Variants in ANKS6 observed in about 807,000 individuals in gnomAD.
ANKS6 encodes ankyrin repeat and SAM domain-containing protein 6.
In ANKS6, 47 loss-of-function variants were observed where a neutral mutation model predicts 77.9. That is an observed-to-expected ratio of 0.60 (90% confidence interval 0.48 to 0.77). The LOEUF is 0.77. ANKS6 is among the 30% of genes least tolerant of loss of function. The pLI is 0.00. For missense variants in ANKS6, 1,150 were observed against 1,159.1 expected (o/e 0.99, Z 0.11); for synonymous variants, 488 against 501.7 (o/e 0.97, Z 0.37).
At position 98,733,264 on chromosome 9, in the gene ANKS6, C is replaced by T. The variant is rs748948230; in HGVS notation, c.*3255G>A. 2.7e-5 allele frequency: 27 copies of T among 985,416 alleles called. No homozygotes were observed. The highest frequency in any genetic ancestry group is 3.0e-5 in the Non-Finnish European group (25 of 830,018). 61.0% of individuals were successfully genotyped at this position (985,416 alleles called of 1,614,324 possible). A position where few individuals can be genotyped will look rare whatever the true frequency, so the allele number is the denominator to read the frequency against. ...AGCTGGCCTCCATGTAATTTTGTGG[C>T]GCTGAAGAAGAGAGGCAGGAGCCCT... On this transcript the variant is annotated 3_prime_UTR_variant, in exon 15 of 15. Coordinates refer to ENST00000353234, the MANE Select transcript of ANKS6 (RefSeq NM_173551.5).
chr9:98,733,940 G>A lies in ANKS6; in HGVS notation c.*2579C>T, dbSNP rs1293947743. On this transcript the variant is annotated 3_prime_UTR_variant, in exon 15 of 15. Transcript: ENST00000353234. ...AGCAAGGGAGGTGCTTCTTGTGGGG[G>A]GAACAGCCACAGGCAGGCTGGGGAC... 1 of 985,424 alleles carries A rather than the reference G, an allele frequency of 1.0e-6. No individual in the cohort carries two copies. The highest frequency in any genetic ancestry group is 1.2e-6 in the Non-Finnish European group (1 of 829,954). The allele number at this position is 985,424 out of a possible 1,614,324, so 61.0% of individuals were successfully genotyped here.
chr9:98,790,437 C>G lies in ANKS6; in HGVS notation c.529G>C (p.Gly177Arg), dbSNP rs771919479. The G allele has an allele frequency of 1.2e-6, 2 of 1,613,716 alleles. No individual in the cohort carries two copies. The highest frequency in any genetic ancestry group is 2.7e-5 in the African/African-American group (2 of 74,944). The change falls in exon 2 of 15, where the codon GGC becomes CGC. Residue 177 changes from glycine (G) to arginine (R), a missense_variant. Transcript: ENST00000353234. Reference sequence around the variant, plus strand: ...CTGCCGCCCAACCCCAGTTGCTCGCCTGAAGGGTGGTGATGGTCCACAAAG... The same window carrying G: ...CTGCCGCCCAACCCCAGTTGCTCGCGTGAAGGGTGGTGATGGTCCACAAAG... The part of the protein sequence containing the change: ...GAFVDHHHPS[G>R]EQLGLGGSRD...
chr9:98,745,001 TG>T (rs1832042064), intron 14 of ANKS6, among the ~76,000 whole-genome samples: 1 of 152,234 alleles, frequency 6.6e-6, no homozygotes, highest in South Asian at 2.1e-4. Flanking sequence ...TTTTTGTTTT[TG>T]GTGTGTGTGT....
chr9:98,778,209 A>G lies in ANKS6; in HGVS notation c.1567+17T>C. On this transcript the variant is annotated intron_variant, in intron 7 of 14. Transcript: ENST00000353234. ...GACCATTCCAAAAATTCTACTGCACATGCAGACTTTTCTCACCATTGTCTT... is the reference window on the plus strand; with the variant it reads ...GACCATTCCAAAAATTCTACTGCACGTGCAGACTTTTCTCACCATTGTCTT... 2 of 1,613,774 alleles carry G rather than the reference A, an allele frequency of 1.2e-6. No individual in the cohort carries two copies. The highest frequency in any genetic ancestry group is 1.7e-6 in the Non-Finnish European group (2 of 1,179,730).
intron 11 of ANKS6, among the ~76,000 whole-genome samples, chr9:98,760,661 G>C (rs1832957122): frequency 6.6e-6 from 1 of 152,052 alleles, no homozygotes. Flanking sequence ...TAGATTTTTG[G>C]GTCTGTCTTC....
intron 11 of ANKS6, among the ~76,000 whole-genome samples, chr9:98,760,204 A>G (rs1247128920): frequency 6.6e-6 from 1 of 152,224 alleles, no homozygotes; most frequent in Non-Finnish European, 1.5e-5. Context: ...TCCTGGGCAT[A>G]CTACCCTCCA....
At chr9:98,739,841 G>A (rs1198661437) in intron 14 of ANKS6, among the ~76,000 whole-genome samples, 1 of 130,094 alleles carries the variant, frequency 7.7e-6, no homozygotes, top group Non-Finnish European at 1.6e-5. Context: ...TGCAGGCTCC[G>A]CCCCCTGGGG....
intron 11 of ANKS6, among the ~76,000 whole-genome samples, chr9:98,765,077 GAA>G (rs1833197433): frequency 6.6e-6 from 1 of 152,122 alleles, no homozygotes; most frequent in Admixed American, 6.5e-5. Context: ...CTGAGGTTTT[GAA>G]AGACTTGCCA....
intron 9 of ANKS6, among the ~76,000 whole-genome samples, chr9:98,771,983 T>G (rs1376942252): frequency 6.6e-6 from 1 of 152,214 alleles, no homozygotes; most frequent in Non-Finnish European, 1.5e-5. Flanking sequence ...CTCTGCTATA[T>G]GCCTAGTACC....
At chr9:98,754,780 T>C (rs947521329) in intron 12 of ANKS6, among the ~76,000 whole-genome samples, 1 of 152,206 alleles carries the variant, frequency 6.6e-6, no homozygotes, top group Non-Finnish European at 1.5e-5. Flanking sequence ...AGAGAAATTA[T>C]TCTACAAAGA....
Position 98,735,885 on chromosome 9 carries a change from G to C in ANKS6, c.*634C>G. ...CATACACAGCACTAAGGGACCCAGTGGCTGAAAGGGGGTCAAAAAAGACTT... is the reference window on the plus strand; with the variant it reads ...CATACACAGCACTAAGGGACCCAGTCGCTGAAAGGGGGTCAAAAAAGACTT... On this transcript the variant is annotated 3_prime_UTR_variant, in exon 15 of 15. Transcript: ENST00000353234. 5.7e-6 allele frequency: 7 copies of C among 1,232,096 alleles called. No individual in the cohort carries two copies. Among genetic ancestry groups the C allele is most frequent in the Middle Eastern group, 3.1e-4 (1 of 3,206 alleles). The allele number at this position is 1,232,096 out of a possible 1,614,324, so 76.3% of individuals were successfully genotyped here.
intron 14 of ANKS6, among the ~76,000 whole-genome samples, chr9:98,738,933 T>C (rs1254289917): frequency 6.6e-6 from 1 of 152,188 alleles, no homozygotes; most frequent in Non-Finnish European, 1.5e-5. Flanking sequence ...GATGAATTAA[T>C]GGTATTCGCA....
intron 1 of ANKS6, among the ~76,000 whole-genome samples, chr9:98,792,374 C>T (rs1413581041): frequency 6.6e-6 from 1 of 152,236 alleles, no homozygotes; most frequent in Non-Finnish European, 1.5e-5. Flanking sequence ...AATTGTCTCT[C>T]CTATTCAGTG....
chr9:98,770,158 G>A (rs1833542439), intron 10 of ANKS6, among the ~76,000 whole-genome samples: 1 of 152,140 alleles, frequency 6.6e-6, no homozygotes, highest in Non-Finnish European at 1.5e-5. Flanking sequence ...CCATGATAGT[G>A]AATAACTCTC....
chr9:98,759,596 T>C (rs543697110), intron 11 of ANKS6, among the ~76,000 whole-genome samples: 2 of 152,342 alleles, frequency 1.3e-5, no homozygotes, highest in South Asian at 2.1e-4. Context: ...AATTGGCTAG[T>C]GGCTCACAGA....
At chr9:98,789,571 A>G (rs905405490) in intron 2 of ANKS6, among the ~76,000 whole-genome samples, 4 of 152,340 alleles carry the variant, frequency 2.6e-5, no homozygotes, top group Middle Eastern at 3.4e-3. Context: ...CTGGCAAACT[A>G]TAGCCCATGG....
intron 9 of ANKS6, among the ~76,000 whole-genome samples, chr9:98,772,285 A>C (rs1225904217): frequency 2.0e-5 from 3 of 152,180 alleles, no homozygotes; most frequent in Non-Finnish European, 4.4e-5. Flanking sequence ...ATGAGGAAGC[A>C]ATGTGACCAC....
intron 8 of ANKS6, among the ~76,000 whole-genome samples, chr9:98,776,546 G>A (rs538329986): frequency 7.2e-5 from 11 of 151,846 alleles, no homozygotes; most frequent in South Asian, 2.1e-4. Flanking sequence ...TATTACAGGC[G>A]CCCACCACCA....
At chr9:98,773,411 C>T (rs181587017) in intron 9 of ANKS6, among the ~76,000 whole-genome samples, 7 of 152,328 alleles carry the variant, frequency 4.6e-5, no homozygotes, top group African/African-American at 7.2e-5. Context: ...AGACCAAGAG[C>T]CACCAAGTTA....
Sources: allele counts gnomAD v4.1 joint callset (sites outside exome capture counted in the v4.1 genomes callset), GRCh38; gene constraint gnomAD v4.1.1; transcripts MANE v1.5; gene names NCBI Gene and HGNC (gene_info 2026-07-23, HGNC 2026-07-21).